LYZL4: variants seen among roughly 807,000 people sequenced by gnomAD.
LYZL4 encodes the protein lysozyme like 4.
In LYZL4, 13 loss-of-function variants were observed where a neutral mutation model predicts 17.6. That is an observed-to-expected ratio of 0.74 (90% CI 0.48 to 1.18). The LOEUF is 1.18. Among genes scored for constraint, LYZL4 ranks in the 50% most tolerant of loss-of-function variants. The probability of loss-of-function intolerance (pLI) is 0.00; values close to 1 mark genes in which losing one functional copy is unlikely to be tolerated. For missense variants in LYZL4, 174 were observed against 188.2 expected (o/e 0.92, Z 0.44); for synonymous variants, 64 against 67.7 (o/e 0.95, Z 0.27).
intron 2 of LYZL4, 24 bp from the exon 3 acceptor site, chr3:42,407,022 G>A: frequency 1.2e-6 from 2 of 1,614,038 alleles, no homozygotes; most frequent in South Asian, 2.2e-5. Flanking sequence ...GAAGGTGTGT[G>A]ACTCTGAGGA....
chr3:42,361,467 T>A, the LYZL4 span, among the ~76,000 whole-genome samples: 1 of 152,148 alleles, frequency 6.6e-6, no homozygotes, highest in Non-Finnish European at 1.5e-5. Flanking sequence ...GTATTCTATA[T>A]AATTATTATT....
chr3:42,410,210 T>A (rs549746292), intron 1 of LYZL4, among the ~76,000 whole-genome samples: 1 of 152,194 alleles, frequency 6.6e-6, no homozygotes. Flanking sequence ...TCTGGTTTTT[T>A]CTCTTCATTA....
chr3:42,371,521 G>A, the LYZL4 span, among the ~76,000 whole-genome samples: 1 of 152,170 alleles, frequency 6.6e-6, no homozygotes, highest in Non-Finnish European at 1.5e-5. Context: ...TTTTGATCTG[G>A]ATGAAACATA....
chr3:42,405,397 C>A (rs1429308336), intron 3 of LYZL4, among the ~76,000 whole-genome samples: 1 of 152,174 alleles, frequency 6.6e-6, no homozygotes, highest in Non-Finnish European at 1.5e-5. Context: ...CAGGTTCCCA[C>A]AGAGTTCCTG....
chr3:42,383,540 A>T, the LYZL4 span, among the ~76,000 whole-genome samples: 1 of 152,162 alleles, frequency 6.6e-6, no homozygotes, highest in Non-Finnish European at 1.5e-5. Context: ...AGCTTCTTAA[A>T]TATAAATAAC....
At chr3:42,364,467 C>T in the LYZL4 span, among the ~76,000 whole-genome samples, 209 of 151,976 alleles carry the variant, frequency 1.4e-3, no homozygotes, top group African/African-American at 4.8e-3. Context: ...TTCAGCCTCC[C>T]AAGTAGCTGG....
At chr3:42,386,100 T>C in the LYZL4 span, among the ~76,000 whole-genome samples, 1 of 151,442 alleles carries the variant, frequency 6.6e-6, no homozygotes, top group South Asian at 2.1e-4. Flanking sequence ...TCCTGCATCC[T>C]TTTTTTTTCT....
chr3:42,396,216 T>G (rs1454527054), downstream of LYZL4, among the ~76,000 whole-genome samples: 2 of 152,216 alleles, frequency 1.3e-5, no homozygotes, highest in African/African-American at 2.4e-5. Flanking sequence ...ACAGGCTTTC[T>G]CCATACTACT....
At chr3:42,378,725 A>G in the LYZL4 span, among the ~76,000 whole-genome samples, 2 of 152,130 alleles carry the variant, frequency 1.3e-5, no homozygotes, top group Non-Finnish European at 1.5e-5. Flanking sequence ...TCATCTCTAT[A>G]TTAGTAAGAT....
At chr3:42,399,843 C>A (rs891347939) in intron 4 of LYZL4, among the ~76,000 whole-genome samples, 1 of 151,962 alleles carries the variant, frequency 6.6e-6, no homozygotes, top group African/African-American at 2.4e-5. Context: ...AGGTGCAGAG[C>A]TAGAGGCTGG....
At chr3:42,369,830 G>A in the LYZL4 span, among the ~76,000 whole-genome samples, 9 of 152,236 alleles carry the variant, frequency 5.9e-5, no homozygotes, top group Admixed American at 5.2e-4. Flanking sequence ...GAGGCTTCAT[G>A]CAAGCATTTG....
Position 42,406,975 on chromosome 3 carries a change from T to C in LYZL4, c.163A>G (p.Ser55Gly). Reference sequence around the variant, plus strand: ...TAGATGGCCATGGGGTTGAACTTGCTCTCGAAGTAGGCCAGGCACACCCCT... The same window carrying C: ...TAGATGGCCATGGGGTTGAACTTGCCCTCGAAGTAGGCCAGGCACACCCCT... ...ENWVCLAYFE[S>G]KFNPMAIYEN... Residue 55 changes from serine (S) to glycine (G), a missense_variant, in exon 3 of 5, where the codon AGC (serine) becomes GGC (glycine). Transcript: ENST00000287748. The C allele has an allele frequency of 6.2e-7, 1 of 1,614,132 alleles. No homozygotes were observed. Among genetic ancestry groups the C allele is most frequent in the Non-Finnish European group, 8.5e-7 (1 of 1,180,028 alleles).
intron 4 of LYZL4, 136 bp downstream of exon 4, chr3:42,403,910 G>T: frequency 1.8e-6 from 1 of 558,522 alleles, no homozygotes; most frequent in Non-Finnish European, 3.2e-6. Context: ...GTGGTTTTCT[G>T]CTACTTACCT....
At chr3:42,386,395 G>GCCGCCCCCCCCC in the LYZL4 span, among the ~76,000 whole-genome samples, 1 of 107,462 alleles carries the variant, frequency 9.3e-6, no homozygotes, top group Non-Finnish European at 1.9e-5. Context: ...GAGCCACCAC[G>GCCGCCCCCCCCC]CCCCCCCCCC....
intron 3 of LYZL4, among the ~76,000 whole-genome samples, chr3:42,406,400 G>T (rs1698749867): frequency 1.4e-5 from 2 of 143,290 alleles, no homozygotes; most frequent in African/African-American, 5.2e-5. Flanking sequence ...CTTGCCGTGA[G>T]CCGAGATCGC....
At chr3:42,364,621 A>T in the LYZL4 span, among the ~76,000 whole-genome samples, 799 of 152,192 alleles carry the variant, frequency 5.2e-3, 5 homozygotes, top group African/African-American at 0.019. Flanking sequence ...CTGGGATTAC[A>T]GGCATGAGCC....
chr3:42,368,901 TA>T, the LYZL4 span, among the ~76,000 whole-genome samples: 1 of 152,256 alleles, frequency 6.6e-6, no homozygotes, highest in African/African-American at 2.4e-5. Context: ...GCAATTTTTT[TA>T]TTTGTTTATT....
intron 4 of LYZL4, among the ~76,000 whole-genome samples, chr3:42,399,226 A>T: frequency 6.6e-6 from 1 of 152,302 alleles, no homozygotes; most frequent in Middle Eastern, 3.4e-3. Flanking sequence ...CCCTTCATGC[A>T]GTGTGGGTGG....
the LYZL4 span, among the ~76,000 whole-genome samples, chr3:42,361,414 G>A: frequency 2.0e-5 from 3 of 152,172 alleles, no homozygotes; most frequent in East Asian, 3.9e-4. Flanking sequence ...AGGGAGGGTA[G>A]GAAGGACAGA....
Sources: allele counts gnomAD v4.1 joint callset (sites outside exome capture counted in the v4.1 genomes callset), GRCh38; gene constraint gnomAD v4.1.1; transcripts MANE v1.5; gene names NCBI Gene and HGNC (gene_info 2026-07-23, HGNC 2026-07-21).